FAM161B: variants seen among roughly 807,000 people sequenced by gnomAD.
FAM161B encodes protein FAM161B.
A neutral mutation model predicts 61.5 loss-of-function variants in FAM161B; 46 were observed. The ratio of observed to expected loss-of-function variants is 0.75; its 90% CI spans 0.59 to 0.96. The LOEUF (loss-of-function observed/expected upper bound fraction) is 0.96, where lower values mean the gene tolerates loss of function less well. FAM161B is among the 40% of genes least tolerant of loss of function. The pLI is 0.00. For missense variants in FAM161B, 774 were observed against 800.7 expected (o/e 0.97, Z 0.40); for synonymous variants, 284 against 302.7 (o/e 0.94, Z 0.64).
rs1429052049 is a variant in FAM161B at position 73,942,660 on chromosome 14, C to T, written c.981G>A (p.Gln327=). 1 of 1,614,084 alleles carries T rather than the reference C, an allele frequency of 6.2e-7. No individual in the cohort carries two copies. Among genetic ancestry groups the T allele is most frequent in the Non-Finnish European group, 8.5e-7 (1 of 1,180,044 alleles). ...AGGAGGCGATAGGGGAAGAGGCCAT[C>T]TGGAGCATGTCCAGGGCTCTCATTT... is the stretch of plus-strand genomic sequence containing the variant. ...RIQMRALDML[Q]MASSPIASSS... The change falls in exon 4 of 9, where the codon CAG becomes CAA. Residue 327 remains glutamine (Q), a synonymous_variant. Transcript: ENST00000286544.
chr14:73,944,268 A>C (rs1008831480), intron 3 of FAM161B, 67 bp downstream of exon 3: 5 of 1,522,478 alleles, frequency 3.3e-6, no homozygotes, highest in Non-Finnish European at 4.4e-6. Context: ...CTGGGCCCTG[A>C]CTAAATCCCT....
intron 7 of FAM161B, among the ~76,000 whole-genome samples, chr14:73,937,315 C>A (rs1000519844): frequency 7.2e-5 from 11 of 152,194 alleles, no homozygotes; most frequent in Non-Finnish European, 1.6e-4. Flanking sequence ...CCCTGTGTCT[C>A]TGGGGTCTAA....
At chr14:73,925,390 T>G in the FAM161B span, among the ~76,000 whole-genome samples, 1 of 152,090 alleles carries the variant, frequency 6.6e-6, no homozygotes, top group African/African-American at 2.4e-5. Context: ...GAAGTCGAAG[T>G]TACGGCTGAG....
At chr14:73,948,942 C>T (rs960481259) in intron 1 of FAM161B, among the ~76,000 whole-genome samples, 2 of 150,776 alleles carry the variant, frequency 1.3e-5, no homozygotes, top group African/African-American at 4.9e-5. Flanking sequence ...TTTTTTGAGA[C>T]GGAGTCTCGC....
the FAM161B span, among the ~76,000 whole-genome samples, chr14:73,925,433 C>T: frequency 1.4e-5 from 2 of 144,430 alleles, no homozygotes; most frequent in South Asian, 2.2e-4. Flanking sequence ...CTAACTTTGA[C>T]TTTTTTTTTT....
At chr14:73,940,701 G>A (rs1369389426) in intron 5 of FAM161B, among the ~76,000 whole-genome samples, 1 of 152,128 alleles carries the variant, frequency 6.6e-6, no homozygotes, top group Non-Finnish European at 1.5e-5. Context: ...CCTTAACACT[G>A]TGCCTGGCAC....
At chr14:73,935,610 AAC>A (rs1181942649) in intron 8 of FAM161B, among the ~76,000 whole-genome samples, 3 of 152,184 alleles carry the variant, frequency 2.0e-5, no homozygotes, top group South Asian at 2.1e-4. Context: ...ATGCTAGAAA[AAC>A]AGTTTTATAG....
chr14:73,936,736 T>C (rs182705033), intron 7 of FAM161B, among the ~76,000 whole-genome samples: 1 of 152,280 alleles, frequency 6.6e-6, no homozygotes, highest in Admixed American at 6.5e-5. Context: ...TGTGTGCTTA[T>C]GTGTGTGAGA....
At chr14:73,925,683 C>T in the FAM161B span, among the ~76,000 whole-genome samples, 1 of 152,136 alleles carries the variant, frequency 6.6e-6, no homozygotes, top group African/African-American at 2.4e-5. Context: ...CCGCCTCAGC[C>T]TCCCAAAGTG....
At chr14:73,925,609 T>C in the FAM161B span, among the ~76,000 whole-genome samples, 1 of 152,078 alleles carries the variant, frequency 6.6e-6, no homozygotes, top group South Asian at 2.1e-4. Flanking sequence ...TGTATTTTTA[T>C]TAGAGATAGG....
intron 1 of FAM161B, among the ~76,000 whole-genome samples, chr14:73,947,473 C>T (rs1023485781): frequency 1.3e-5 from 2 of 151,316 alleles, no homozygotes; most frequent in Admixed American, 6.6e-5. Context: ...AAGTGGGACA[C>T]ACAATTAACT....
intron 5 of FAM161B, among the ~76,000 whole-genome samples, chr14:73,939,593 T>C (rs1034164290): frequency 2.0e-5 from 3 of 152,196 alleles, no homozygotes; most frequent in African/African-American, 7.2e-5. Flanking sequence ...CCTCTGGCCT[T>C]GACCACTCTG....
In FAM161B at chr14:73,937,681, G is replaced by A. The variant is rs150485088; in HGVS notation, c.1586C>T (p.Ala529Val). The change falls in exon 7 of 9, where the codon GCG becomes GTG. Residue 529 changes from alanine to valine, a missense_variant. Ala to Val is a moderately conservative substitution (Grantham distance 64). Coordinates refer to ENST00000286544, the MANE Select transcript of FAM161B (RefSeq NM_152445.3). The part of the protein sequence containing the change: ...KENRNNDRKR[A>V]KEYKKELEEM... ...CTCCAGTTCTTTCTTATATTCTTTC[G>A]CTCTTTTACGGTCATTGTTCCTGGA... is the stretch of plus-strand genomic sequence containing the variant. The A allele has an allele frequency of 7.3e-5, 117 of 1,613,716 alleles. No homozygotes were observed. The African/African-American group carries it at 9.0e-4, about 12-fold the overall frequency.
intron 1 of FAM161B, 190 bp downstream of exon 1, chr14:73,949,783 C>T (rs373207461): frequency 4.2e-6 from 3 of 718,166 alleles, no homozygotes; most frequent in Non-Finnish European, 2.3e-6. Flanking sequence ...GTGACATTGC[C>T]TATCAAGAGC....
At chr14:73,929,823 A>G (rs1005577154), downstream of FAM161B, among the ~76,000 whole-genome samples, 1 of 152,072 alleles carries the variant, frequency 6.6e-6, no homozygotes, top group African/African-American at 2.4e-5. Context: ...TAAAAAAAAA[A>G]AAGAAGAAAA....
At chr14:73,943,602 T>A (rs2056037813) in intron 3 of FAM161B, among the ~76,000 whole-genome samples, 1 of 152,104 alleles carries the variant, frequency 6.6e-6, no homozygotes, top group Non-Finnish European at 1.5e-5. Context: ...CCACTTCTCC[T>A]CCCTCTTCGC....
intron 2 of FAM161B, among the ~76,000 whole-genome samples, chr14:73,945,680 C>T (rs2056060284): frequency 6.6e-6 from 1 of 151,974 alleles, no homozygotes; most frequent in Non-Finnish European, 1.5e-5. Flanking sequence ...CCAGCCACCT[C>T]GGCTTCCCAA....
At chr14:73,937,305 C>T (rs1001117514) in intron 7 of FAM161B, among the ~76,000 whole-genome samples, 6 of 152,132 alleles carry the variant, frequency 3.9e-5, no homozygotes, top group Non-Finnish European at 7.4e-5. Flanking sequence ...GCCAAATGGT[C>T]CCTGTGTCTC....
chr14:73,928,741 C>T (rs1456297913), downstream of FAM161B, among the ~76,000 whole-genome samples: 4 of 151,952 alleles, frequency 2.6e-5, no homozygotes, highest in South Asian at 4.1e-4. Flanking sequence ...GCCAGAAGTT[C>T]GAGACAAGCC....
Sources: gnomAD v4.1 joint callset for allele counts (sites outside exome capture counted in the v4.1 genomes callset) on GRCh38, gnomAD v4.1.1 for gene constraint, MANE v1.5 for transcripts, NCBI Gene and HGNC (gene_info 2026-07-23, HGNC 2026-07-21) for gene names.